CACNG7: variants seen among roughly 807,000 people sequenced by gnomAD.
CACNG7 encodes the protein calcium voltage-gated channel auxiliary subunit gamma 7.
In CACNG7, 9 loss-of-function variants were observed where a neutral mutation model predicts 26.3. The ratio of observed to expected loss-of-function variants is 0.34; its 90% CI spans 0.21 to 0.60. The LOEUF is 0.60. CACNG7 is among the 20% of genes least tolerant of loss of function. The pLI, the probability that CACNG7 is intolerant of heterozygous loss-of-function variation, is 0.81. For missense variants in CACNG7, 297 were observed against 380.4 expected (o/e 0.78, Z 1.82); for synonymous variants, 170 against 157.0 (o/e 1.08, Z -0.62).
At chr19:53,913,096 G>A (rs1411587524) in intron 2 of CACNG7, 69 bp downstream of exon 2, 22 of 1,388,480 alleles carry the variant, frequency 1.6e-5, no homozygotes, top group African/African-American at 2.9e-5. Context: ...CTTAGCCATA[G>A]TCCCATCCCT....
In CACNG7 at chr19:53,939,980, G is replaced by A. The variant is rs907586842; in HGVS notation, c.425-1490G>A. 3.3e-5 allele frequency among the ~76,000 whole-genome samples: 5 copies of A among 152,096 alleles called. No homozygotes were observed. The highest frequency in any genetic ancestry group is 2.1e-4 in the South Asian group (1 of 4,810). ...ACAATGAGGGGGTGAGCTGGGTTTC[G>A]TCCATGGACCATGGTTTGCCGACCA... On this transcript the variant is annotated intron_variant, in intron 4 of 5. Transcript: ENST00000391767. This position sits in a 1 kb window ranked among gnomAD's most constrained non-coding sequence, Gnocchi z 4.2.
chr19:53,921,424 A>G (rs2068950457), intron 4 of CACNG7, among the ~76,000 whole-genome samples: 2 of 137,964 alleles, frequency 1.4e-5, no homozygotes, highest in Admixed American at 1.4e-4. Flanking sequence ...GAGTTGCCCC[A>G]GGCTGGTCAT....
intron 1 of CACNG7, among the ~76,000 whole-genome samples, chr19:53,910,336 C>CCGGATCT (rs1240816791): frequency 6.2e-5 from 9 of 144,388 alleles, no homozygotes; most frequent in African/African-American, 2.4e-4. Flanking sequence ...TTCCCTGACT[C>CCGGATCT]CGGATCTCGG....
chr19:53,936,498 A>T (rs2069106150), intron 4 of CACNG7, among the ~76,000 whole-genome samples: 1 of 152,250 alleles, frequency 6.6e-6, no homozygotes, highest in Non-Finnish European at 1.5e-5. Flanking sequence ...TAACTCTATT[A>T]TTCCACCTAC....
intron 4 of CACNG7, among the ~76,000 whole-genome samples, chr19:53,938,994 C>T (rs1014582351): frequency 2.6e-5 from 4 of 151,080 alleles, no homozygotes; most frequent in African/African-American, 9.8e-5. Context: ...TGGTGGCTCA[C>T]ACCTGTAATC....
intron 4 of CACNG7, among the ~76,000 whole-genome samples, chr19:53,918,029 T>G (rs1056430980): frequency 2.0e-4 from 30 of 152,184 alleles, no homozygotes; most frequent in Admixed American, 5.9e-4. Flanking sequence ...CTGCCTGAAT[T>G]CCTTCCTAGC....
Position 53,941,515 on chromosome 19 carries a change from A to G in CACNG7, c.470A>G (p.Asn157Ser). Reference protein sequence around the residue: ...VGLVLYISSINDEVMNRPSSS... With the variant: ...VGLVLYISSISDEVMNRPSSS... The stretch of plus-strand genomic sequence containing the variant: ...TTGGTTCTTTACATCTCCAGCATCA[A>G]CGACGAGGTCATGAACAGGCCCAGC... Residue 157 changes from asparagine (N) to serine (S), a missense_variant, in exon 5 of 6, where the codon AAC becomes AGC. By Grantham distance (46) the Asn-to-Ser change is conservative. Coordinates refer to ENST00000391767, the MANE Select transcript of CACNG7 (RefSeq NM_031896.5). 2 of 1,598,038 alleles carry G rather than the reference A, an allele frequency of 1.3e-6. No homozygotes were observed. Among genetic ancestry groups the G allele is most frequent in the Non-Finnish European group, 1.7e-6 (2 of 1,174,360 alleles).
In CACNG7 at chr19:53,941,621, G is replaced by C. The variant is rs778373164; in HGVS notation, c.570+6G>C. 6.2e-7 allele frequency: 1 copy of C among 1,610,898 alleles called. No homozygotes were observed. Among genetic ancestry groups the C allele is most frequent in the Non-Finnish European group, 8.5e-7 (1 of 1,178,822 alleles). Reference sequence around the variant, plus strand: ...CCTCCTTCCTACTCAAAGAGGTGACGTCCGTGGGACCTAGACTCTAGAGTT... The same window carrying C: ...CCTCCTTCCTACTCAAAGAGGTGACCTCCGTGGGACCTAGACTCTAGAGTT... On this transcript the variant is annotated splice_donor_region_variant and intron_variant, in intron 5 of 5. Transcript: ENST00000391767.
intron 4 of CACNG7, among the ~76,000 whole-genome samples, chr19:53,919,580 C>G (rs36010506): frequency 0.37 from 41,445 of 113,032 alleles, 8,064 homozygotes; most frequent in African/African-American, 0.46. Flanking sequence ...CATTGGTGGA[C>G]TTGCCCCAGG....
chr19:53,918,249 T>A (rs1322776147), intron 4 of CACNG7, among the ~76,000 whole-genome samples: 1 of 152,164 alleles, frequency 6.6e-6, no homozygotes, highest in Non-Finnish European at 1.5e-5. Flanking sequence ...GTTGGCAAGC[T>A]TTTTCTGCTT....
Position 53,912,755 on chromosome 19 carries a change from A to G in CACNG7, c.-29-48A>G. The stretch of plus-strand genomic sequence containing the variant: ...CCCGGGTTGCTGCATGGGGTCAAGC[A>G]CTCTGGTCGGTCCCATGGAGCTCTG... On this transcript the variant is annotated intron_variant, in intron 1 of 5. Transcript: ENST00000391767. The surrounding 1 kb of genome is among the most constrained non-coding windows in gnomAD (Gnocchi z 4.6). The G allele has an allele frequency of 2.0e-6, 3 of 1,478,504 alleles. No individual in the cohort carries two copies. The highest frequency in any genetic ancestry group is 2.8e-6 in the Non-Finnish European group (3 of 1,074,036). The allele number at this position is 1,478,504 out of a possible 1,614,324, so 91.6% of individuals were successfully genotyped here.
At chr19:53,921,901 GT>G (rs376033144) in intron 4 of CACNG7, among the ~76,000 whole-genome samples, 876 of 74,596 alleles carry the variant, frequency 0.012, 3 homozygotes, top group African/African-American at 0.018. Context: ...TGGTGGAGTT[GT>G]CCCCAGGTCT....
At chr19:53,933,773 T>A (rs2069088771) in intron 4 of CACNG7, among the ~76,000 whole-genome samples, 1 of 151,888 alleles carries the variant, frequency 6.6e-6, no homozygotes, top group African/African-American at 2.4e-5. Flanking sequence ...CTTTTTGAGA[T>A]ATTAGAGTTG....
chr19:53,916,873 T>C (rs1211666382), intron 4 of CACNG7, among the ~76,000 whole-genome samples: 7 of 137,758 alleles, frequency 5.1e-5, no homozygotes, highest in East Asian at 2.2e-4. Flanking sequence ...TCTCGGCCCA[T>C]TGCAACCTCT....
At chr19:53,931,895 G>A (rs892437504) in intron 4 of CACNG7, among the ~76,000 whole-genome samples, 11 of 150,022 alleles carry the variant, frequency 7.3e-5, no homozygotes, top group African/African-American at 2.4e-4. Context: ...CCGAGTAGCT[G>A]GGACTACAGG....
At chr19:53,938,465 C>T (rs754990041) in intron 4 of CACNG7, among the ~76,000 whole-genome samples, 1 of 152,062 alleles carries the variant, frequency 6.6e-6, no homozygotes, top group Non-Finnish European at 1.5e-5. Context: ...AAGAGGTCAG[C>T]GAAGTTTTCT....
rs2069122283 is a variant in CACNG7 at position 53,939,057 on chromosome 19, G to A, written c.425-2413G>A. On this transcript the variant is annotated intron_variant, in intron 4 of 5. Coordinates refer to ENST00000391767, the MANE Select transcript of CACNG7 (RefSeq NM_031896.5). This position sits in a 1 kb window ranked among gnomAD's most constrained non-coding sequence, Gnocchi z 4.2. ...AGATCACTTAAGGTCAGGAGTTTGA[G>A]ACCAGCCTGGTCAACATTGTGAAGC... Among the ~76,000 whole-genome samples the A allele has an allele frequency of 6.6e-6, 1 of 152,196 alleles. No homozygotes were observed. Among genetic ancestry groups the A allele is most frequent in the Non-Finnish European group, 1.5e-5 (1 of 68,038 alleles).
At chr19:53,938,471 T>G (rs911952634) in intron 4 of CACNG7, among the ~76,000 whole-genome samples, 7 of 152,078 alleles carry the variant, frequency 4.6e-5, no homozygotes, top group African/African-American at 1.7e-4. Flanking sequence ...TCAGCGAAGT[T>G]TTCTGTAAAG....
chr19:53,920,283 T>TC (rs1463107191), intron 4 of CACNG7, among the ~76,000 whole-genome samples: 1 of 80,422 alleles, frequency 1.2e-5, no homozygotes, highest in African/African-American at 6.9e-5. Context: ...CCAGGCCTGG[T>TC]ATTGGTGGAG....
Sources: allele counts gnomAD v4.1 joint callset (sites outside exome capture counted in the v4.1 genomes callset), GRCh38; gene constraint gnomAD v4.1.1; non-coding constraint Gnocchi (gnomAD v3.1); transcripts MANE v1.5; gene names NCBI Gene and HGNC (gene_info 2026-07-23, HGNC 2026-07-21).